The following KLF13 variants were observed in gnomAD, a reference collection of about 807,000 sequenced individuals.
The protein encoded by KLF13 is Krueppel-like factor 13.
Under a neutral mutation model 16.7 loss-of-function variants are expected in KLF13, and 8 were observed. The observed-to-expected ratio is 0.48, with a 90% CI of 0.28 to 0.87. The LOEUF is 0.87. Ranked by LOEUF, KLF13 falls within the 40% of genes least tolerant of loss-of-function variation. The pLI, the probability that KLF13 is intolerant of heterozygous loss-of-function variation, is 0.10. For missense variants in KLF13, 447 were observed against 452.2 expected (o/e 0.99, Z 0.10); for synonymous variants, 245 against 208.4 (o/e 1.18, Z -1.51).
At chr15:31,369,258 A>G (rs1447174862) in intron 1 of KLF13, among the ~76,000 whole-genome samples, 1 of 152,156 alleles carries the variant, frequency 6.6e-6, no homozygotes. Flanking sequence ...GCCTTTGTTT[A>G]TAGGATTGGT....
At chr15:31,383,661 G>A (rs1230581969) in intron 1 of KLF13, among the ~76,000 whole-genome samples, 10 of 152,186 alleles carry the variant, frequency 6.6e-5, no homozygotes, top group Admixed American at 6.5e-4. Flanking sequence ...AGCACTTTGG[G>A]AGGCCAAGGC....
At chr15:31,384,305 G>C (rs1395549533) in intron 1 of KLF13, among the ~76,000 whole-genome samples, 1 of 152,028 alleles carries the variant, frequency 6.6e-6, no homozygotes, top group Non-Finnish European at 1.5e-5. Flanking sequence ...CGGGTGTGGT[G>C]CCTGTAATCC....
intron 1 of KLF13, chr15:31,366,193 T>C (rs2039468876): frequency 6.6e-6 from 1 of 150,758 alleles, no homozygotes; most frequent in African/African-American, 2.4e-5. Context: ...CCCCCTCTGC[T>C]TGGCACCTGT....
At chr15:31,353,946 C>T (rs2140950481) in intron 1 of KLF13, among the ~76,000 whole-genome samples, 1 of 152,370 alleles carries the variant, frequency 6.6e-6, no homozygotes, top group South Asian at 2.1e-4. Context: ...CCCTGCCTAG[C>T]TTGAAGACCC....
chr15:31,338,566 T>C (rs549231683), intron 1 of KLF13, among the ~76,000 whole-genome samples: 46 of 152,198 alleles, frequency 3.0e-4, no homozygotes, highest in African/African-American at 8.7e-4. Flanking sequence ...GAAGCAGCAG[T>C]GCGTGCCCAG....
At chr15:31,398,827 G>T (rs4606678) in intron 2 of KLF13, among the ~76,000 whole-genome samples, 82,177 of 151,988 alleles carry the variant, frequency 0.54, 23,141 homozygotes, top group South Asian at 0.66. Flanking sequence ...GGTGGGAAGA[G>T]CCTGCAGCCA....
At position 31,372,333 on chromosome 15, in the gene KLF13, C is replaced by T; in HGVS notation, c.*34C>T. On this transcript the variant is annotated 3_prime_UTR_variant, in exon 2 of 2. Coordinates refer to ENST00000307145, the MANE Select transcript of KLF13 (RefSeq NM_015995.4). ...CAGCCATGAGCAGCCGCTCCCACCC[C>T]CTCGTGAGTCCCTGGCCTTTCCTTT... 1 of 1,433,382 alleles carries T rather than the reference C, an allele frequency of 7.0e-7. No individual in the cohort carries two copies. Among genetic ancestry groups the T allele is most frequent in the Non-Finnish European group, 9.1e-7 (1 of 1,097,396 alleles). 88.8% of individuals were successfully genotyped at this position (1,433,382 alleles called of 1,614,324 possible). A position where few individuals can be genotyped will look rare whatever the true frequency, so the allele number is the denominator to read the frequency against.
chr15:31,412,317 G>A (rs1160541416), intron 1 of KLF13, among the ~76,000 whole-genome samples: 2 of 152,122 alleles, frequency 1.3e-5, no homozygotes, highest in South Asian at 4.1e-4. Flanking sequence ...TAAGTTATCT[G>A]GTCTATGGTA....
At chr15:31,418,625 A>G (rs568534764) in intron 1 of KLF13, among the ~76,000 whole-genome samples, 1 of 152,340 alleles carries the variant, frequency 6.6e-6, no homozygotes, top group Non-Finnish European at 1.5e-5. Context: ...TGTGAAAGAT[A>G]GTTAACTGAA....
At chr15:31,356,476 C>T (rs898415907) in intron 1 of KLF13, among the ~76,000 whole-genome samples, 18 of 152,166 alleles carry the variant, frequency 1.2e-4, no homozygotes, top group African/African-American at 4.1e-4. Context: ...CGCTTGAACC[C>T]GGGAGACAGA....
chr15:31,398,732 A>T (rs544181330), intron 2 of KLF13, among the ~76,000 whole-genome samples: 1 of 152,230 alleles, frequency 6.6e-6, no homozygotes, highest in African/African-American at 2.4e-5. Flanking sequence ...CAGGAGGCCA[A>T]GGCTGTTGGA....
chr15:31,363,636 G>C (rs540292739), intron 1 of KLF13, among the ~76,000 whole-genome samples: 1 of 152,134 alleles, frequency 6.6e-6, no homozygotes, highest in African/African-American at 2.4e-5. Context: ...ACAGGCGCTC[G>C]CCACCACGCC....
upstream of KLF13, among the ~76,000 whole-genome samples, chr15:31,392,325 A>G (rs1334181865): frequency 6.6e-6 from 1 of 152,174 alleles, no homozygotes; most frequent in Non-Finnish European, 1.5e-5. Context: ...GGCAGCGACT[A>G]TCAGTGAGAC....
chr15:31,348,851 A>G (rs2039169613), intron 1 of KLF13, among the ~76,000 whole-genome samples: 1 of 152,154 alleles, frequency 6.6e-6, no homozygotes, highest in Non-Finnish European at 1.5e-5. Flanking sequence ...ATTATTCTGT[A>G]TCTGGTGAGG....
chr15:31,345,526 C>T (rs2039100462), intron 1 of KLF13, among the ~76,000 whole-genome samples: 1 of 152,222 alleles, frequency 6.6e-6, no homozygotes, highest in African/African-American at 2.4e-5. Context: ...AGCAGGGGAT[C>T]TCCAGGAGCG....
intron 1 of KLF13, among the ~76,000 whole-genome samples, chr15:31,435,015 T>G (rs1297609894): frequency 6.6e-6 from 1 of 152,346 alleles, no homozygotes; most frequent in African/African-American, 2.4e-5. Context: ...AAATATTCCT[T>G]TCCTTGAGCC....
At chr15:31,416,407 C>G (rs1427173077) in intron 1 of KLF13, among the ~76,000 whole-genome samples, 2 of 152,012 alleles carry the variant, frequency 1.3e-5, no homozygotes, top group African/African-American at 4.8e-5. Flanking sequence ...AAAATAATAG[C>G]AAACCAAATT....
intron 1 of KLF13, among the ~76,000 whole-genome samples, chr15:31,413,187 C>CAAAAGAAAAAA (rs2040214763): frequency 1.6e-5 from 1 of 63,350 alleles, no homozygotes; most frequent in South Asian, 6.7e-4. Context: ...AATGAATAGA[C>CAAAAGAAAAAA]AAAAAAAAAA....
At chr15:31,430,101 A>G (rs1478727158) in intron 1 of KLF13, among the ~76,000 whole-genome samples, 1 of 152,172 alleles carries the variant, frequency 6.6e-6, no homozygotes, top group East Asian at 1.9e-4. Flanking sequence ...TTGTTAAACA[A>G]GGTCCAAACA....
Sources: gnomAD v4.1 joint callset for allele counts (sites outside exome capture counted in the v4.1 genomes callset) on GRCh38, gnomAD v4.1.1 for gene constraint, MANE v1.5 for transcripts, NCBI Gene and HGNC (gene_info 2026-07-23, HGNC 2026-07-21) for gene names.